The following IMMP2L variants were observed in gnomAD, a reference collection of about 807,000 sequenced individuals.
IMMP2L encodes the protein mitochondrial inner membrane protease subunit 2.
In IMMP2L, 18 loss-of-function variants were observed where a neutral mutation model predicts 19.3. The observed-to-expected ratio is 0.93, with a 90% CI of 0.64 to 1.38. IMMP2L has a LOEUF of 1.38. IMMP2L is among the 40% of genes most tolerant of loss of function. IMMP2L has a pLI of 0.00. For synonymous variants in IMMP2L, 76 were observed against 73.0 expected (o/e 1.04, Z -0.21); for missense variants, 233 against 218.2 (o/e 1.07, Z -0.43).
chr7:111,031,082 C>T (rs145000278), intron 3 of IMMP2L, among the ~76,000 whole-genome samples: 3 of 151,586 alleles, frequency 2.0e-5, no homozygotes, highest in Non-Finnish European at 4.4e-5. Flanking sequence ...AGTATGAACA[C>T]ATGTTTAGCT....
intron 5 of IMMP2L, among the ~76,000 whole-genome samples, chr7:110,817,645 G>A (rs1237017081): frequency 2.0e-5 from 3 of 151,970 alleles, no homozygotes; most frequent in Non-Finnish European, 4.4e-5. Flanking sequence ...AAAAGAGCCC[G>A]CATAGCCAAG....
intron 3 of IMMP2L, among the ~76,000 whole-genome samples, chr7:111,132,849 TAA>T (rs971983745): frequency 3.9e-5 from 6 of 152,020 alleles, no homozygotes; most frequent in Admixed American, 3.9e-4. Flanking sequence ...GGTGGTTCTT[TAA>T]AAGACTTTCT....
At chr7:111,505,072 A>T (rs1466965798) in intron 2 of IMMP2L, among the ~76,000 whole-genome samples, 2 of 152,176 alleles carry the variant, frequency 1.3e-5, no homozygotes, top group Non-Finnish European at 2.9e-5. Context: ...CAACCTACTC[A>T]TCTGACAAAG....
intron 5 of IMMP2L, among the ~76,000 whole-genome samples, chr7:110,672,028 C>T (rs1015828734): frequency 5.3e-5 from 8 of 151,678 alleles, no homozygotes; most frequent in Non-Finnish European, 1.0e-4. Context: ...AAAACAAAAA[C>T]AAAAACAAAA....
At chr7:110,922,345 T>C (rs1387315147) in intron 4 of IMMP2L, among the ~76,000 whole-genome samples, 1 of 152,188 alleles carries the variant, frequency 6.6e-6, no homozygotes, top group African/African-American at 2.4e-5. Flanking sequence ...ACTAAGATGT[T>C]TGTCAATTGT....
chr7:111,558,650 T>C lies in IMMP2L; in HGVS notation c.-3+3201A>G, dbSNP rs574449951. On this transcript the variant is annotated intron_variant, in intron 1 of 5. Transcript: ENST00000405709. ...GGAGGGAGACGTGGTCCAGCCATTC[T>C]AGGTTGGCACTCAGGAGACACTTAC... 1.8e-4 allele frequency among the ~76,000 whole-genome samples: 27 copies of C among 152,296 alleles called. No individual in the cohort carries two copies. The East Asian group carries it at 3.9e-3, about 22-fold the overall frequency.
chr7:110,688,033 A>G (rs1793240237), intron 5 of IMMP2L, among the ~76,000 whole-genome samples: 1 of 152,036 alleles, frequency 6.6e-6, no homozygotes, highest in Admixed American at 6.6e-5. Flanking sequence ...CCACACTGAC[A>G]GTCCCTGGAG....
At chr7:110,875,902 T>C (rs1031426613) in intron 5 of IMMP2L, among the ~76,000 whole-genome samples, 1 of 152,134 alleles carries the variant, frequency 6.6e-6, no homozygotes, top group Non-Finnish European at 1.5e-5. Flanking sequence ...TTCCCCTTTC[T>C]TTCCACTGAG....
At chr7:111,265,296 T>C (rs1268492963) in intron 3 of IMMP2L, among the ~76,000 whole-genome samples, 1 of 152,170 alleles carries the variant, frequency 6.6e-6, no homozygotes, top group Non-Finnish European at 1.5e-5. Context: ...TATTAAACAC[T>C]TTTTCTCCTA....
At chr7:110,779,557 A>G (rs1420753577) in intron 5 of IMMP2L, among the ~76,000 whole-genome samples, 1 of 151,860 alleles carries the variant, frequency 6.6e-6, no homozygotes, top group Non-Finnish European at 1.5e-5. Flanking sequence ...CTAGTTCTTA[A>G]ACTCCAAACA....
At chr7:111,160,885 C>A (rs1176602621) in intron 3 of IMMP2L, among the ~76,000 whole-genome samples, 2 of 149,714 alleles carry the variant, frequency 1.3e-5, no homozygotes, top group East Asian at 3.9e-4. Flanking sequence ...AATAAGAGAG[C>A]CAAATAAATA....
chr7:111,012,387 G>A (rs1423040522), intron 3 of IMMP2L, among the ~76,000 whole-genome samples: 1 of 151,978 alleles, frequency 6.6e-6, no homozygotes, highest in African/African-American at 2.4e-5. Flanking sequence ...TAATAATGCA[G>A]CCAATAAAAT....
In IMMP2L at chr7:110,802,368, T is replaced by TGC. The variant is rs113851207; in HGVS notation, c.408+84223_408+84224dup. ...GTGTGTGTGTGTGTGTGTGTGTGTGTGCCTGTGTCTGTGTTGGTAAGTACA... is the reference window on the plus strand; with the variant it reads ...GTGTGTGTGTGTGTGTGTGTGTGTGTGCGCCTGTGTCTGTGTTGGTAAGTACA... On this transcript the variant is annotated intron_variant, in intron 5 of 5. Transcript: ENST00000405709. Among the ~76,000 whole-genome samples, 773 of 146,490 alleles carry TGC rather than the reference T, an allele frequency of 5.3e-3. 5 individuals carry two copies. The highest frequency in any genetic ancestry group is 0.018 in the African/African-American group (718 of 39,716).
At chr7:110,806,025 A>C (rs1210463952) in intron 5 of IMMP2L, among the ~76,000 whole-genome samples, 1 of 151,998 alleles carries the variant, frequency 6.6e-6, no homozygotes, top group East Asian at 1.9e-4. Context: ...TCAATAAATC[A>C]ATAAGTGGAC....
At chr7:110,846,852 T>C (rs938337474) in intron 5 of IMMP2L, among the ~76,000 whole-genome samples, 2 of 152,180 alleles carry the variant, frequency 1.3e-5, no homozygotes, top group African/African-American at 4.8e-5. Context: ...TCAATTACCA[T>C]CTTAAATAAA....
intron 4 of IMMP2L, among the ~76,000 whole-genome samples, chr7:110,889,228 A>C (rs1459954678): frequency 6.6e-6 from 1 of 152,318 alleles, no homozygotes. Flanking sequence ...TGATTCAAGC[A>C]CATTACATTT....
At chr7:111,351,875 A>G (rs113053912) in intron 3 of IMMP2L, among the ~76,000 whole-genome samples, 4 of 152,334 alleles carry the variant, frequency 2.6e-5, no homozygotes, top group African/African-American at 9.6e-5. Context: ...GACAGCTGCT[A>G]CACAGTACTT....
chr7:111,254,500 T>A (rs1274523875), intron 3 of IMMP2L, among the ~76,000 whole-genome samples: 3 of 152,148 alleles, frequency 2.0e-5, no homozygotes, highest in African/African-American at 7.2e-5. Context: ...TTTCGCTACC[T>A]AATATTGTAC....
At chr7:110,983,309 A>T (rs1175577534) in intron 3 of IMMP2L, among the ~76,000 whole-genome samples, 2 of 152,048 alleles carry the variant, frequency 1.3e-5, no homozygotes, top group African/African-American at 4.8e-5. Flanking sequence ...AATAAAACAA[A>T]ATATTTTTCC....
Sources: gnomAD v4.1 joint callset for allele counts (sites outside exome capture counted in the v4.1 genomes callset) on GRCh38, gnomAD v4.1.1 for gene constraint, MANE v1.5 for transcripts, NCBI Gene and HGNC (gene_info 2026-07-23, HGNC 2026-07-21) for gene names.